DPP10: variants seen among roughly 807,000 people sequenced by gnomAD.
The protein encoded by DPP10 is dipeptidyl peptidase like 10.
In DPP10, 33 loss-of-function variants were observed where a neutral mutation model predicts 120.9. The ratio of observed to expected loss-of-function variants is 0.27; its 90% confidence interval spans 0.21 to 0.37. DPP10 has a LOEUF of 0.37. Among genes scored for constraint, DPP10 ranks in the 10% least tolerant of loss-of-function variants. The probability of loss-of-function intolerance (pLI) is 1.00; values close to 1 mark genes in which losing one functional copy is unlikely to be tolerated. For synonymous variants in DPP10, 337 were observed against 326.1 expected (o/e 1.03, Z -0.36); for missense variants, 816 against 942.8 (o/e 0.87, Z 1.76).
intron 1 of DPP10, chr2:115,161,801 CTCT>C (rs1465616645): frequency 6.9e-6 from 5 of 721,638 alleles, no homozygotes; most frequent in Non-Finnish European, 6.0e-6. Flanking sequence ...CCCGGTGCCG[CTCT>C]TCTTCCCCTC....
intron 1 of DPP10, among the ~76,000 whole-genome samples, chr2:114,931,171 A>T (rs1574509305): frequency 6.6e-6 from 1 of 152,324 alleles, no homozygotes; most frequent in South Asian, 2.1e-4. Context: ...CTTTATAGCA[A>T]CATCTCATTC....
intron 2 of DPP10, among the ~76,000 whole-genome samples, chr2:115,320,363 A>G (rs1405472509): frequency 6.6e-6 from 1 of 152,090 alleles, no homozygotes; most frequent in East Asian, 1.9e-4. Flanking sequence ...AAAATGAAGT[A>G]ATTGTTTCAT....
intron 1 of DPP10, among the ~76,000 whole-genome samples, chr2:114,452,323 G>A (rs976427794): frequency 2.0e-5 from 3 of 152,076 alleles, no homozygotes; most frequent in African/African-American, 7.2e-5. Flanking sequence ...CTTTAATAAA[G>A]ATACCTTGTG....
intron 3 of DPP10, among the ~76,000 whole-genome samples, chr2:115,474,615 C>T (rs1227336972): frequency 2.0e-5 from 3 of 151,606 alleles, no homozygotes. Flanking sequence ...CAGGCTGCTT[C>T]TAAAAGCCTA....
At chr2:115,385,516 C>T (rs970759837) in intron 3 of DPP10, among the ~76,000 whole-genome samples, 4 of 152,094 alleles carry the variant, frequency 2.6e-5, no homozygotes, top group African/African-American at 7.2e-5. Context: ...CCACCATGCT[C>T]GGCTAATTTT....
chr2:114,849,378 C>T (rs1247172738), intron 1 of DPP10, among the ~76,000 whole-genome samples: 2 of 152,060 alleles, frequency 1.3e-5, no homozygotes, highest in Admixed American at 1.3e-4. Flanking sequence ...GAAACAAAGT[C>T]TCACTGTGTC....
At chr2:115,440,408 C>CT (rs2071920780) in intron 3 of DPP10, among the ~76,000 whole-genome samples, 1 of 151,450 alleles carries the variant, frequency 6.6e-6, no homozygotes, top group Admixed American at 6.6e-5. Flanking sequence ...CTAGATATTC[C>CT]TTTTTTGTCT....
In DPP10 at chr2:114,874,382, T is replaced by G. The variant is rs187241074; in HGVS notation, c.60+431544T>G. On this transcript the variant is annotated intron_variant, in intron 1 of 25. Coordinates refer to ENST00000410059, the MANE Select transcript of DPP10 (RefSeq NM_020868.6). ...AGGTCAAATAGGTGTGACAAAAGCA[T>G]CCAAAAGCCTGCTTCCATTTCCAAC... Among the ~76,000 whole-genome samples, 3 of 152,210 alleles carry G rather than the reference T, an allele frequency of 2.0e-5. No homozygotes were observed. In the East Asian group the frequency reaches 5.8e-4, roughly 29 times the overall value.
intron 1 of DPP10, among the ~76,000 whole-genome samples, chr2:115,306,023 T>A (rs924059603): frequency 1.3e-5 from 2 of 152,076 alleles, no homozygotes; most frequent in African/African-American, 4.8e-5. Flanking sequence ...GAGTTTTTTT[T>A]ATGAGTTATT....
chr2:115,684,633 G>A (rs1386984603), intron 5 of DPP10, among the ~76,000 whole-genome samples: 1 of 151,812 alleles, frequency 6.6e-6, no homozygotes, highest in Non-Finnish European at 1.5e-5. Flanking sequence ...TTCAACTGCA[G>A]TGCAGAAAAA....
chr2:115,336,501 A>C (rs375245226), intron 2 of DPP10, among the ~76,000 whole-genome samples: 1 of 151,980 alleles, frequency 6.6e-6, no homozygotes, highest in South Asian at 2.1e-4. Flanking sequence ...ACAAATATTT[A>C]CACTTTTAAT....
intron 19 of DPP10, among the ~76,000 whole-genome samples, chr2:115,800,825 T>G (rs1247777520): frequency 6.6e-6 from 1 of 152,148 alleles, no homozygotes; most frequent in African/African-American, 2.4e-5. Context: ...CCATGCTGTT[T>G]TGGTTACTGT....
intron 5 of DPP10, among the ~76,000 whole-genome samples, chr2:115,567,201 T>C (rs1291190031): frequency 6.6e-6 from 1 of 152,102 alleles, no homozygotes; most frequent in Non-Finnish European, 1.5e-5. Flanking sequence ...TCCAGGGATT[T>C]GTTTTTATAT....
intron 1 of DPP10, among the ~76,000 whole-genome samples, chr2:115,088,337 G>A (rs778083145): frequency 6.6e-6 from 1 of 152,190 alleles, no homozygotes; most frequent in Non-Finnish European, 1.5e-5. Flanking sequence ...GTGCTTTTCA[G>A]TCTGGATTTC....
intron 1 of DPP10, among the ~76,000 whole-genome samples, chr2:114,874,374 CA>C (rs1244184823): frequency 1.3e-5 from 2 of 152,120 alleles, no homozygotes; most frequent in African/African-American, 2.4e-5. Context: ...ATAGGTGTGA[CA>C]AAAGCATCCA....
At chr2:114,602,449 T>C (rs1489138815) in intron 1 of DPP10, among the ~76,000 whole-genome samples, 1 of 151,982 alleles carries the variant, frequency 6.6e-6, no homozygotes, top group Non-Finnish European at 1.5e-5. Flanking sequence ...TTGGACACAA[T>C]CACTACCATC....
intron 1 of DPP10, among the ~76,000 whole-genome samples, chr2:114,615,268 A>G (rs1693592578): frequency 6.6e-6 from 1 of 152,156 alleles, no homozygotes; most frequent in Non-Finnish European, 1.5e-5. Flanking sequence ...AACTTTCTAA[A>G]TTACTGAAAA....
rs181849450 is a variant in DPP10, at chr2:114,704,896, A to T, written c.60+262058A>T. Among the ~76,000 whole-genome samples, 29 of 152,252 alleles carry T rather than the reference A, an allele frequency of 1.9e-4. No homozygotes were observed. The East Asian group carries it at 5.2e-3, about 27-fold the overall frequency. The stretch of plus-strand genomic sequence containing the variant: ...CCTAACTCTATAGACTGGTGTCCTT[A>T]TAAGAAAAGGAAGAGAGAGTGCACA... On this transcript the variant is annotated intron_variant, in intron 1 of 25. Coordinates refer to ENST00000410059, the MANE Select transcript of DPP10 (RefSeq NM_020868.6).
chr2:115,358,872 T>C (rs1039544935), intron 3 of DPP10, among the ~76,000 whole-genome samples: 32 of 152,104 alleles, frequency 2.1e-4, no homozygotes, highest in African/African-American at 7.7e-4. Flanking sequence ...AAGCCCCTTA[T>C]AGAACCTTCA....
Sources: allele counts gnomAD v4.1 joint callset (sites outside exome capture counted in the v4.1 genomes callset), GRCh38; gene constraint gnomAD v4.1.1; transcripts MANE v1.5; gene names NCBI Gene and HGNC (gene_info 2026-07-23, HGNC 2026-07-21).